Variants in TRABD2B observed in about 807,000 individuals in gnomAD.
TRABD2B encodes metalloprotease TIKI2.
TRABD2B carries 14 observed loss-of-function variants against 40.1 expected under a neutral mutation model. That is an observed-to-expected ratio of 0.35 (90% CI 0.23 to 0.55). The LOEUF (loss-of-function observed/expected upper bound fraction) is 0.55. TRABD2B is among the 20% of genes least tolerant of loss of function. The pLI is 0.90. For missense variants in TRABD2B, 541 were observed against 648.6 expected (o/e 0.83, Z 1.80); for synonymous variants, 263 against 277.0 (o/e 0.95, Z 0.50).
chr1:47,774,734 G>A lies in TRABD2B; in HGVS notation c.1349+436C>T, dbSNP rs540635613. Among the ~76,000 whole-genome samples, 4 of 152,320 alleles carry A rather than the reference G, an allele frequency of 2.6e-5. 1 individual carries two copies. Among genetic ancestry groups the A allele is most frequent in the African/African-American group, 4.8e-5 (2 of 41,568 alleles). On this transcript the variant is annotated intron_variant, in intron 6 of 6. Transcript: ENST00000606738. ...CTATCCCATCTCTCTCTTAGAGCAC[G>A]GTTCCCTTTGCAGCCTCCCTGCCAG...
intron 2 of TRABD2B, among the ~76,000 whole-genome samples, chr1:47,830,842 T>C (rs936258743): frequency 6.6e-6 from 1 of 152,210 alleles, no homozygotes; most frequent in African/African-American, 2.4e-5. Flanking sequence ...TTGTGGGTTA[T>C]GAAGCAAATC....
chr1:47,953,886 C>T (rs1211162974), intron 2 of TRABD2B, among the ~76,000 whole-genome samples: 1 of 152,216 alleles, frequency 6.6e-6, no homozygotes, highest in African/African-American at 2.4e-5. Flanking sequence ...ATGGCTCAGC[C>T]TCCCTCATAG....
intron 2 of TRABD2B, among the ~76,000 whole-genome samples, chr1:47,919,246 A>G (rs186000375): frequency 6.6e-6 from 1 of 152,362 alleles, no homozygotes; most frequent in Non-Finnish European, 1.5e-5. Context: ...TACAGATGGG[A>G]AAATAAAAGA....
chr1:47,802,355 G>A (rs1326143243), intron 2 of TRABD2B, among the ~76,000 whole-genome samples: 1 of 152,128 alleles, frequency 6.6e-6, no homozygotes, highest in African/African-American at 2.4e-5. Context: ...TGGCATTTGA[G>A]GATCGTGGCT....
intron 4 of TRABD2B, among the ~76,000 whole-genome samples, chr1:47,785,959 A>T (rs1644590110): frequency 6.6e-6 from 1 of 152,166 alleles, no homozygotes. Context: ...GCCACCAAGC[A>T]CTTCTGCCCC....
At chr1:47,900,449 A>G (rs991760153) in intron 2 of TRABD2B, among the ~76,000 whole-genome samples, 5 of 152,148 alleles carry the variant, frequency 3.3e-5, no homozygotes, top group Non-Finnish European at 7.3e-5. Context: ...TGTAGGTTGT[A>G]TAATTATCTT....
chr1:47,875,657 A>C (rs1644212901), intron 2 of TRABD2B, among the ~76,000 whole-genome samples: 1 of 145,576 alleles, frequency 6.9e-6, no homozygotes, highest in Admixed American at 7.0e-5. Flanking sequence ...ACTGCACAAC[A>C]GAGTGAAACC....
At chr1:47,968,909 T>C (rs1023348400) in intron 2 of TRABD2B, among the ~76,000 whole-genome samples, 1 of 152,268 alleles carries the variant, frequency 6.6e-6, no homozygotes. Context: ...GACAGTAGAG[T>C]AGGGGCTCAG....
At chr1:47,969,508 A>G (rs1174673065) in intron 2 of TRABD2B, among the ~76,000 whole-genome samples, 23 of 152,176 alleles carry the variant, frequency 1.5e-4, no homozygotes, top group Admixed American at 1.5e-3. Context: ...CATTTCACAG[A>G]TGAGGAAAAA....
chr1:47,934,287 C>T (rs1488874277), intron 2 of TRABD2B, among the ~76,000 whole-genome samples: 1 of 152,244 alleles, frequency 6.6e-6, no homozygotes, highest in East Asian at 1.9e-4. Flanking sequence ...CACACCTATG[C>T]AGGGCCTGGC....
intron 2 of TRABD2B, among the ~76,000 whole-genome samples, chr1:47,987,904 T>G (rs548427079): frequency 6.6e-6 from 1 of 152,226 alleles, no homozygotes; most frequent in Non-Finnish European, 1.5e-5. Flanking sequence ...GTATATGGTA[T>G]AGGCGATGCC....
intron 2 of TRABD2B, among the ~76,000 whole-genome samples, chr1:47,837,002 G>T (rs1318108458): frequency 1.3e-5 from 2 of 152,164 alleles, no homozygotes; most frequent in Non-Finnish European, 2.9e-5. Flanking sequence ...CTTAATCTGG[G>T]GTCCCCCAAA....
At chr1:47,794,429 A>C (rs1211635615) in intron 4 of TRABD2B, among the ~76,000 whole-genome samples, 157 bp downstream of exon 4, 1 of 151,974 alleles carries the variant, frequency 6.6e-6, no homozygotes, top group Non-Finnish European at 1.5e-5. Flanking sequence ...GAATCAGGAG[A>C]ACTGCCTTGG....
Position 47,775,265 on chromosome 1 carries a change from C to T in TRABD2B, c.1254G>A (p.Leu418=). 1 of 1,256,158 alleles carries T rather than the reference C, an allele frequency of 8.0e-7. No individual in the cohort carries two copies. 77.8% of individuals were successfully genotyped at this position (1,256,158 alleles called of 1,614,324 possible). The change falls in exon 6 of 7, where the codon CTG becomes CTA. Residue 418 remains leucine (L), a synonymous_variant. Transcript: ENST00000606738. ...HLLLPDSLSQ[L]EEFGRQRKWH... The stretch of plus-strand genomic sequence containing the variant: ...ACTTCCTCTGCCGGCCAAACTCCTC[C>T]AGCTGGCTGAGGCTGTCGGGGAGCA...
At chr1:47,834,800 A>T (rs1428480153) in intron 2 of TRABD2B, among the ~76,000 whole-genome samples, 1 of 152,224 alleles carries the variant, frequency 6.6e-6, no homozygotes. Flanking sequence ...TGAGAAGGGA[A>T]GAGAATCTGA....
chr1:47,833,578 G>A (rs1053119378), intron 2 of TRABD2B, among the ~76,000 whole-genome samples: 7 of 152,198 alleles, frequency 4.6e-5, no homozygotes, highest in African/African-American at 1.4e-4. Flanking sequence ...GAGTAATCTG[G>A]AGTCTCACTG....
chr1:47,828,279 T>G (rs1183690350), intron 2 of TRABD2B, among the ~76,000 whole-genome samples: 1 of 152,088 alleles, frequency 6.6e-6, no homozygotes, highest in Non-Finnish European at 1.5e-5. Flanking sequence ...AATTCTGAAG[T>G]CTTCCAAACT....
intron 2 of TRABD2B, among the ~76,000 whole-genome samples, chr1:47,982,834 A>G (rs1384212849): frequency 6.6e-6 from 1 of 152,122 alleles, no homozygotes; most frequent in Non-Finnish European, 1.5e-5. Context: ...CCCAAATCCT[A>G]TCCCACCTGC....
intron 2 of TRABD2B, among the ~76,000 whole-genome samples, chr1:47,871,253 G>A (rs1482305633): frequency 6.6e-6 from 1 of 152,118 alleles, no homozygotes; most frequent in Non-Finnish European, 1.5e-5. Flanking sequence ...AGGAGAATGT[G>A]CTTGGGTGAA....
Sources: gnomAD v4.1 joint callset for allele counts (sites outside exome capture counted in the v4.1 genomes callset) on GRCh38, gnomAD v4.1.1 for gene constraint, MANE v1.5 for transcripts, NCBI Gene and HGNC (gene_info 2026-07-23, HGNC 2026-07-21) for gene names.